The following TMEFF2 variants were observed in gnomAD, a reference collection of about 807,000 sequenced individuals.
TMEFF2 encodes transmembrane protein with EGF like and two follistatin like domains 2, also known as tomoregulin-2.
A neutral mutation model predicts 53.8 loss-of-function variants in TMEFF2; 28 were observed. The ratio of observed to expected loss-of-function variants is 0.52; its 90% CI spans 0.39 to 0.71. The LOEUF (loss-of-function observed/expected upper bound fraction) is 0.71, where lower values mean the gene tolerates loss of function less well. Among genes scored for constraint, TMEFF2 ranks in the 30% least tolerant of loss-of-function variants. TMEFF2 has a pLI of 0.00. For missense variants in TMEFF2, 353 were observed against 455.2 expected (o/e 0.78, Z 2.04); for synonymous variants, 162 against 166.3 (o/e 0.97, Z 0.20).
intron 4 of TMEFF2, among the ~76,000 whole-genome samples, chr2:192,075,323 A>ATATATG (rs1553518831): frequency 2.1e-5 from 2 of 93,652 alleles, no homozygotes; most frequent in African/African-American, 7.6e-5. Flanking sequence ...ATATATATAT[A>ATATATG]TATATATATA....
At chr2:191,978,810 A>G (rs913105326) in intron 7 of TMEFF2, among the ~76,000 whole-genome samples, 16 of 152,210 alleles carry the variant, frequency 1.1e-4, no homozygotes, top group African/African-American at 3.9e-4. Flanking sequence ...TAAAAATTAC[A>G]TAAAATAATT....
intron 4 of TMEFF2, among the ~76,000 whole-genome samples, chr2:192,149,654 T>C (rs1490185272): frequency 1.3e-5 from 2 of 151,978 alleles, no homozygotes; most frequent in African/African-American, 4.8e-5. Context: ...ACTATGCACA[T>C]GAGCTCTAAA....
chr2:192,167,680 T>C lies in TMEFF2; in HGVS notation c.439+11988A>G, dbSNP rs533469946. 2.6e-5 allele frequency among the ~76,000 whole-genome samples: 4 copies of C among 152,288 alleles called. No individual in the cohort carries two copies. The East Asian group carries it at 7.7e-4, about 29-fold the overall frequency. On this transcript the variant is annotated intron_variant, in intron 4 of 9. Coordinates refer to ENST00000272771, the MANE Select transcript of TMEFF2 (RefSeq NM_016192.4). ...AGAGCATTACTACATTGCTGAAGTT[T>C]CATGTGTGAAGCAAACAGATGAGAT...
intron 4 of TMEFF2, among the ~76,000 whole-genome samples, chr2:192,172,117 G>T (rs1690931065): frequency 6.6e-6 from 1 of 151,794 alleles, no homozygotes; most frequent in African/African-American, 2.4e-5. Context: ...TTAATGGTGG[G>T]GTATAAAAGC....
intron 4 of TMEFF2, among the ~76,000 whole-genome samples, chr2:192,164,802 C>A: frequency 6.6e-6 from 1 of 150,388 alleles, no homozygotes; most frequent in East Asian, 1.9e-4. Flanking sequence ...TCTGTTTTTT[C>A]TCTTCTGAAT....
At chr2:192,083,248 AGTT>A (rs1278721123) in intron 4 of TMEFF2, among the ~76,000 whole-genome samples, 7 of 152,072 alleles carry the variant, frequency 4.6e-5, no homozygotes, top group African/African-American at 1.7e-4. Context: ...TTTTGTACCC[AGTT>A]GTTAAAAATC....
intron 4 of TMEFF2, among the ~76,000 whole-genome samples, chr2:192,173,274 T>C (rs1036420006): frequency 3.3e-5 from 5 of 151,900 alleles, no homozygotes; most frequent in African/African-American, 1.2e-4. Flanking sequence ...ACAACTATTA[T>C]GTGTTCATAA....
intron 7 of TMEFF2, among the ~76,000 whole-genome samples, chr2:191,987,948 AATC>A (rs924036102): frequency 1.3e-5 from 2 of 152,170 alleles, no homozygotes; most frequent in African/African-American, 4.8e-5. Context: ...TCATGATGAT[AATC>A]ATGAGTATAA....
chr2:192,150,554 C>A (rs1690359986), intron 4 of TMEFF2, among the ~76,000 whole-genome samples: 1 of 151,800 alleles, frequency 6.6e-6, no homozygotes, highest in Non-Finnish European at 1.5e-5. Context: ...TGCATCCAGG[C>A]CCTGCACTAC....
At chr2:191,967,967 T>C (rs1213176567) in intron 7 of TMEFF2, among the ~76,000 whole-genome samples, 1 of 152,194 alleles carries the variant, frequency 6.6e-6, no homozygotes, top group Non-Finnish European at 1.5e-5. Flanking sequence ...TTGAGAACAC[T>C]CCACTCCATG....
rs576350850 is a variant in TMEFF2 at position 191,992,644 on chromosome 2, A to T, written c.745+5618T>A. Reference sequence around the variant, plus strand: ...TAGTAAAGCTATGACATATCACAATATGGCTAAAAATTTTTACTTTCTGTT... The same window carrying T: ...TAGTAAAGCTATGACATATCACAATTTGGCTAAAAATTTTTACTTTCTGTT... On this transcript the variant is annotated intron_variant, in intron 7 of 9. Coordinates refer to ENST00000272771, the MANE Select transcript of TMEFF2 (RefSeq NM_016192.4). 1.6e-4 allele frequency: 24 copies of T among 152,214 alleles called. 1 individual carries two copies. The highest frequency in any genetic ancestry group is 5.8e-4 in the African/African-American group (24 of 41,556). 9.4% of individuals were successfully genotyped at this position (152,214 alleles called of 1,614,324 possible).
chr2:192,166,492 A>C (rs1690770032), intron 4 of TMEFF2, among the ~76,000 whole-genome samples: 1 of 152,224 alleles, frequency 6.6e-6, no homozygotes, highest in South Asian at 2.1e-4. Context: ...GATTTGCATT[A>C]AGACAGGTAC....
rs992117526 is a variant in TMEFF2, at chr2:192,052,612, T to G, written c.536+5067A>C. ...TTATTACTTTGCAATGAGTCAATTT[T>G]ATTATATTTGACTTATTTATAAGCC... On this transcript the variant is annotated intron_variant, in intron 5 of 9. Coordinates refer to ENST00000272771, the MANE Select transcript of TMEFF2 (RefSeq NM_016192.4). Among the ~76,000 whole-genome samples the G allele has an allele frequency of 3.3e-5, 5 of 150,320 alleles. 1 individual carries two copies. In the Admixed American group the frequency reaches 3.3e-4, roughly 10 times the overall value.
intron 7 of TMEFF2, among the ~76,000 whole-genome samples, chr2:191,990,229 A>G (rs1360614252): frequency 6.6e-6 from 1 of 152,200 alleles, no homozygotes; most frequent in African/African-American, 2.4e-5. Context: ...CTGTTTAGAA[A>G]TGTAATTTCT....
chr2:192,014,923 C>T (rs114422502), intron 5 of TMEFF2, among the ~76,000 whole-genome samples: 1,612 of 152,258 alleles, frequency 0.011, 31 homozygotes, highest in African/African-American at 0.037. Context: ...AAAGATGTTG[C>T]CTTTTCACAG....
chr2:192,048,435 G>A (rs1343728532), intron 5 of TMEFF2, among the ~76,000 whole-genome samples: 1 of 151,234 alleles, frequency 6.6e-6, no homozygotes, highest in African/African-American at 2.4e-5. Context: ...TTATCTTAGA[G>A]AGGGATGACA....
chr2:192,130,877 G>T, intron 4 of TMEFF2, among the ~76,000 whole-genome samples: 1 of 150,926 alleles, frequency 6.6e-6, no homozygotes, highest in Non-Finnish European at 1.5e-5. Context: ...AGAAGGGGTT[G>T]GGGTACTTGC....
intron 4 of TMEFF2, among the ~76,000 whole-genome samples, chr2:192,128,680 A>G (rs1018529048): frequency 2.0e-5 from 3 of 152,180 alleles, no homozygotes; most frequent in Non-Finnish European, 2.9e-5. Context: ...ATCAGGTATA[A>G]TATGTTAATC....
At chr2:192,143,840 T>C (rs1245826328) in intron 4 of TMEFF2, among the ~76,000 whole-genome samples, 2 of 152,296 alleles carry the variant, frequency 1.3e-5, no homozygotes, top group East Asian at 1.9e-4. Flanking sequence ...CTCAGTGATA[T>C]TTTTAATAGT....
Sources: gnomAD v4.1 joint callset for allele counts (sites outside exome capture counted in the v4.1 genomes callset) on GRCh38, gnomAD v4.1.1 for gene constraint, MANE v1.5 for transcripts, NCBI Gene and HGNC (gene_info 2026-07-23, HGNC 2026-07-21) for gene names.